SGCE: variants seen among roughly 807,000 people sequenced by gnomAD.
The protein encoded by SGCE is sarcoglycan epsilon, also known as epsilon-sarcoglycan.
SGCE carries 26 observed loss-of-function variants against 57.8 expected under a neutral mutation model. The observed-to-expected ratio is 0.45, with a 90% CI of 0.33 to 0.62. SGCE has a LOEUF of 0.62. Among genes scored for constraint, SGCE ranks in the 20% least tolerant of loss-of-function variants. SGCE has a pLI of 0.02. For synonymous variants in SGCE, 183 were observed against 189.5 expected (o/e 0.97, Z 0.28); for missense variants, 468 against 548.6 (o/e 0.85, Z 1.47).
chr7:94,645,586 A>G (rs1316108131), intron 1 of SGCE, among the ~76,000 whole-genome samples: 6 of 152,206 alleles, frequency 3.9e-5, no homozygotes, highest in Admixed American at 3.9e-4. Flanking sequence ...GAGTGAAATA[A>G]AACTGTAGTA....
chr7:94,635,070 A>G (rs1271204694), intron 1 of SGCE, among the ~76,000 whole-genome samples: 2 of 152,234 alleles, frequency 1.3e-5, no homozygotes, highest in African/African-American at 4.8e-5. Flanking sequence ...ATAATTAATA[A>G]GTAACTTATT....
intron 9 of SGCE, among the ~76,000 whole-genome samples, chr7:94,595,143 T>C (rs145065980): frequency 6.6e-6 from 1 of 152,260 alleles, no homozygotes; most frequent in Admixed American, 6.5e-5. Flanking sequence ...TTAAACATTT[T>C]TTCTTACTGA....
At chr7:94,606,937 T>A (rs1800231618) in intron 5 of SGCE, among the ~76,000 whole-genome samples, 1 of 152,076 alleles carries the variant, frequency 6.6e-6, no homozygotes, top group Admixed American at 6.5e-5. Context: ...CCATAACTTA[T>A]CAAAATGTTT....
intron 1 of SGCE, among the ~76,000 whole-genome samples, chr7:94,654,353 A>G (rs1015719196): frequency 1.3e-5 from 2 of 152,174 alleles, no homozygotes; most frequent in Non-Finnish European, 2.9e-5. Flanking sequence ...TTAAATCTCA[A>G]TTTTTAGAAA....
intron 3 of SGCE, 56 bp from the exon 4 acceptor site, chr7:94,623,453 T>G (rs1028106359): frequency 2.4e-5 from 26 of 1,083,126 alleles, no homozygotes; most frequent in Non-Finnish European, 3.6e-5. Context: ...TAAAATGAAA[T>G]TCATTAAGGA....
chr7:94,619,278 T>G (rs939431024), intron 4 of SGCE: 1 of 214,720 alleles, frequency 4.7e-6, no homozygotes, highest in Non-Finnish European at 9.3e-6. Context: ...ACTGATCTTT[T>G]GGGGAGCATG....
intron 1 of SGCE, among the ~76,000 whole-genome samples, chr7:94,639,711 T>A (rs1237196151): frequency 2.6e-5 from 4 of 152,166 alleles, no homozygotes; most frequent in African/African-American, 9.7e-5. Context: ...TATACATACA[T>A]ACACATATAT....
chr7:94,585,853 T>C (rs1033541120), intron 10 of SGCE, among the ~76,000 whole-genome samples: 37 of 151,692 alleles, frequency 2.4e-4, no homozygotes, highest in African/African-American at 8.2e-4. Context: ...TAAAAAAATA[T>C]CATGTGGGCT....
At chr7:94,595,849 A>G (rs1798318836) in intron 9 of SGCE, among the ~76,000 whole-genome samples, 1 of 152,142 alleles carries the variant, frequency 6.6e-6, no homozygotes, top group African/African-American at 2.4e-5. Flanking sequence ...TGCACATATT[A>G]TCCATTTCTA....
intron 5 of SGCE, among the ~76,000 whole-genome samples, chr7:94,606,377 C>A (rs1406426202): frequency 2.0e-5 from 3 of 152,032 alleles, no homozygotes; most frequent in Non-Finnish European, 4.4e-5. Context: ...TTATCAGAGA[C>A]AAAGAAAGGC....
At chr7:94,637,770 G>C (rs981210461) in intron 1 of SGCE, among the ~76,000 whole-genome samples, 2 of 152,210 alleles carry the variant, frequency 1.3e-5, no homozygotes, top group African/African-American at 2.4e-5. Flanking sequence ...CAAAGCTAAA[G>C]AGGAAAGACT....
chr7:94,619,081 C>T, intron 4 of SGCE, 125 bp from the exon 5 acceptor site: 3 of 730,030 alleles, frequency 4.1e-6, no homozygotes, highest in Non-Finnish European at 7.4e-6. Flanking sequence ...AATATTAATA[C>T]TGACTTTAAA....
At chr7:94,652,103 G>C (rs546700997) in intron 1 of SGCE, among the ~76,000 whole-genome samples, 1 of 152,090 alleles carries the variant, frequency 6.6e-6, no homozygotes, top group Non-Finnish European at 1.5e-5. Flanking sequence ...GTCTCTGCTG[G>C]GGAGGTTGAG....
chr7:94,653,104 T>C (rs1301034474), intron 1 of SGCE, among the ~76,000 whole-genome samples: 3 of 152,154 alleles, frequency 2.0e-5, no homozygotes, highest in East Asian at 1.9e-4. Context: ...TTCCAGTTTG[T>C]TTTGAAATCG....
chr7:94,600,819 C>G lies in SGCE; in HGVS notation c.864G>C (p.Val288=), dbSNP rs772144979. 6.2e-7 allele frequency: 1 copy of G among 1,612,730 alleles called. No homozygotes were observed. The highest frequency in any genetic ancestry group is 8.5e-7 in the Non-Finnish European group (1 of 1,179,582). The change falls in exon 7 of 11, where the codon GTG becomes GTC. Residue 288 remains valine (V), a synonymous_variant. Coordinates refer to ENST00000648936, the MANE Select transcript of SGCE (RefSeq NM_003919.3). The part of the protein sequence containing the change: ...KTKQVSTYQE[V]IRGEGILPDG... ...CAGGTAAAATCCCCTCTCCACGAAT[C>G]ACTTCCTGATAGGTGGACACTTGCT... is the stretch of plus-strand genomic sequence containing the variant.
rs570804921 is a variant in SGCE at position 94,603,595 on chromosome 7, A to G, written c.663-143T>C. The G allele has an allele frequency of 6.1e-5, 44 of 724,128 alleles. No individual in the cohort carries two copies. In the African/African-American group the frequency reaches 6.3e-4, roughly 10 times the overall value. 44.9% of individuals were successfully genotyped at this position (724,128 alleles called of 1,614,324 possible). A position where few individuals can be genotyped will look rare whatever the true frequency, so the allele number is the denominator to read the frequency against. ...TGAGGTAGGGGCCTCGGCTCTAAAA[A>G]CAATGATTCATGTAGGGGCTTCCTT... is the stretch of plus-strand genomic sequence containing the variant. On this transcript the variant is annotated intron_variant, in intron 5 of 10. Coordinates refer to ENST00000648936, the MANE Select transcript of SGCE (RefSeq NM_003919.3).
chr7:94,636,858 G>A (rs935679134), intron 1 of SGCE, among the ~76,000 whole-genome samples: 3 of 152,140 alleles, frequency 2.0e-5, no homozygotes, highest in African/African-American at 7.2e-5. Flanking sequence ...GAGGTCAGGA[G>A]TTCAAGACCA....
intron 5 of SGCE, among the ~76,000 whole-genome samples, chr7:94,608,293 GCCACTGCACT>G (rs1277272834): frequency 1.3e-5 from 2 of 152,138 alleles, no homozygotes; most frequent in Admixed American, 6.5e-5. Context: ...CCGAGATTGT[GCCACTGCACT>G]CCAGCCTGGG....
At chr7:94,613,118 A>G (rs1318783807) in intron 5 of SGCE, among the ~76,000 whole-genome samples, 4 of 152,212 alleles carry the variant, frequency 2.6e-5, no homozygotes, top group Non-Finnish European at 1.5e-5. Context: ...ATACCAGTTT[A>G]AAAACAAACG....
Sources: gnomAD v4.1 joint callset for allele counts (sites outside exome capture counted in the v4.1 genomes callset) on GRCh38, gnomAD v4.1.1 for gene constraint, MANE v1.5 for transcripts, NCBI Gene and HGNC (gene_info 2026-07-23, HGNC 2026-07-21) for gene names.